PLXNA4: variants seen among roughly 807,000 people sequenced by gnomAD.
The protein encoded by PLXNA4 is plexin A4.
Under a neutral mutation model 191.8 loss-of-function variants are expected in PLXNA4, and 44 were observed. The observed-to-expected ratio is 0.23, with a 90% CI of 0.18 to 0.29. The LOEUF is 0.29. Ranked by LOEUF, PLXNA4 falls within the 10% of genes least tolerant of loss-of-function variation. The pLI is 1.00. For missense variants in PLXNA4, 1,800 were observed against 2,488.8 expected (o/e 0.72, Z 5.89); for synonymous variants, 1,082 against 1,009.5 (o/e 1.07, Z -1.36).
chr7:132,455,668 G>A (rs779034842), intron 3 of PLXNA4, among the ~76,000 whole-genome samples: 11 of 152,074 alleles, frequency 7.2e-5, no homozygotes, highest in East Asian at 1.9e-4. Context: ...TCTGGGCTTC[G>A]AAATTGTGCA....
In PLXNA4 at chr7:132,502,707, T is replaced by C. The variant is rs992663278; in HGVS notation, c.1188+4799A>G. Reference sequence around the variant, plus strand: ...CCTTCAGTTTACTAATTACATGACCTTGAGTGAAACACTTGAGTTTTGTGT... The same window carrying C: ...CCTTCAGTTTACTAATTACATGACCCTGAGTGAAACACTTGAGTTTTGTGT... On this transcript the variant is annotated intron_variant, in intron 2 of 31. Coordinates refer to ENST00000321063, the MANE Select transcript of PLXNA4 (RefSeq NM_020911.2). Among the ~76,000 whole-genome samples the C allele has an allele frequency of 3.3e-5, 5 of 152,256 alleles. No individual in the cohort carries two copies. In the South Asian group the frequency reaches 1.0e-3, roughly 32 times the overall value.
chr7:132,408,587 AT>A (rs2117078523), intron 3 of PLXNA4, among the ~76,000 whole-genome samples: 1 of 152,058 alleles, frequency 6.6e-6, no homozygotes, highest in Admixed American at 6.6e-5. Context: ...CCTCAGCCTC[AT>A]GAGTAGCTGG....
chr7:132,233,850 A>G (rs1432923456), intron 5 of PLXNA4, among the ~76,000 whole-genome samples: 1 of 152,216 alleles, frequency 6.6e-6, no homozygotes, highest in Non-Finnish European at 1.5e-5. Flanking sequence ...TGAATGAACA[A>G]TCTATTGAAC....
At chr7:132,422,018 C>G (rs890148003) in intron 3 of PLXNA4, among the ~76,000 whole-genome samples, 1 of 152,200 alleles carries the variant, frequency 6.6e-6, no homozygotes. Flanking sequence ...TCAAAGTGCC[C>G]TGAGCCTTTC....
In PLXNA4 at chr7:132,316,150, C is replaced by T. The variant is rs565715759; in HGVS notation, c.1372-17928G>A. ...ACTGTCATTCCTTTAACAAAGTGAACGCCCACTTATTGCCTCAAATGACTA... is the reference window on the plus strand; with the variant it reads ...ACTGTCATTCCTTTAACAAAGTGAATGCCCACTTATTGCCTCAAATGACTA... On this transcript the variant is annotated intron_variant, in intron 3 of 31. Transcript: ENST00000321063. 3.1e-4 allele frequency among the ~76,000 whole-genome samples: 47 copies of T among 152,292 alleles called. 1 individual carries two copies. Among genetic ancestry groups the T allele is most frequent in the African/African-American group, 1.1e-3 (44 of 41,574 alleles).
At chr7:132,572,891 T>C (rs1203399975) in intron 1 of PLXNA4, among the ~76,000 whole-genome samples, 2 of 152,198 alleles carry the variant, frequency 1.3e-5, no homozygotes, top group Non-Finnish European at 2.9e-5. Flanking sequence ...ACCCTAATCA[T>C]GTGCATCTCC....
At chr7:132,378,782 C>G in intron 3 of PLXNA4, among the ~76,000 whole-genome samples, 1 of 151,606 alleles carries the variant, frequency 6.6e-6, no homozygotes, top group East Asian at 1.9e-4. Context: ...GGAGGTTCTG[C>G]TAGTTGAGAT....
rs1803469220 is a variant in PLXNA4, at chr7:132,630,290, G to A, written c.-87+15638C>T. On this transcript the variant is annotated intron_variant, in intron 2 of 4. Coordinates refer to the PLXNA4 transcript ENST00000378539. ...TATTGGGCTTCAACATATGAGTTTG[G>A]GGAAAACACAATTCAATTTCCATAG... Among the ~76,000 whole-genome samples, 3 of 152,088 alleles carry A rather than the reference G, an allele frequency of 2.0e-5. No homozygotes were observed. In the South Asian group the frequency reaches 6.2e-4, roughly 31 times the overall value.
chr7:132,428,705 C>A (rs376642333), intron 3 of PLXNA4, among the ~76,000 whole-genome samples: 1 of 152,222 alleles, frequency 6.6e-6, no homozygotes, highest in South Asian at 2.1e-4. Context: ...CTCCATCAGA[C>A]GGCCAAGCTC....
At chr7:132,302,426 G>A (rs922122785) in intron 3 of PLXNA4, among the ~76,000 whole-genome samples, 3 of 152,060 alleles carry the variant, frequency 2.0e-5, no homozygotes, top group African/African-American at 7.2e-5. Context: ...CATGGTTGGT[G>A]CTTAGTAAGT....
intron 3 of PLXNA4, among the ~76,000 whole-genome samples, chr7:132,325,680 G>T (rs1802329922): frequency 6.6e-6 from 1 of 152,178 alleles, no homozygotes; most frequent in Non-Finnish European, 1.5e-5. Flanking sequence ...AGAGCCTCAA[G>T]GAGTGTGGCC....
upstream of PLXNA4, among the ~76,000 whole-genome samples, chr7:132,581,673 T>C (rs1325404001): frequency 1.3e-5 from 2 of 152,148 alleles, no homozygotes; most frequent in Non-Finnish European, 2.9e-5. Context: ...GTGCCATGGC[T>C]TTCCAAGCCA....
intron 3 of PLXNA4, among the ~76,000 whole-genome samples, chr7:132,433,362 C>A (rs1014399826): frequency 1.3e-5 from 2 of 152,170 alleles, no homozygotes; most frequent in African/African-American, 2.4e-5. Context: ...CCCTACATAC[C>A]CAGCAAAGGC....
rs117305374 is a variant in PLXNA4 at position 132,491,507 on chromosome 7, G to A, written c.1189-2033C>T. On this transcript the variant is annotated intron_variant, in intron 2 of 31. Transcript: ENST00000321063. ...CAGTCAGAGCGAAAACGGGGAGAGCGTGGGCAAGCCTGAGCAGGCCACGTG... is the reference window on the plus strand; with the variant it reads ...CAGTCAGAGCGAAAACGGGGAGAGCATGGGCAAGCCTGAGCAGGCCACGTG... Among the ~76,000 whole-genome samples, 145 of 152,302 alleles carry A rather than the reference G, an allele frequency of 9.5e-4. No homozygotes were observed. In the East Asian group the frequency reaches 0.022, roughly 24 times the overall value.
At chr7:132,464,849 T>C (rs1796640690) in intron 3 of PLXNA4, among the ~76,000 whole-genome samples, 1 of 152,188 alleles carries the variant, frequency 6.6e-6, no homozygotes, top group Admixed American at 6.5e-5. Flanking sequence ...ACAAAAAGAT[T>C]CCTCAGATGG....
Position 132,123,431 on chromosome 7 carries a change from C to T in PLXNA4, c.*7048G>A, listed in dbSNP as rs1036440808. The stretch of plus-strand genomic sequence containing the variant: ...GCAAAATAGGAATGCCTTATATTTA[C>T]ATACACAGGTATACAATTAATTATA... On this transcript the variant is annotated 3_prime_UTR_variant, in exon 32 of 32. Coordinates refer to ENST00000321063, the MANE Select transcript of PLXNA4 (RefSeq NM_020911.2). 1.3e-5 allele frequency: 2 copies of T among 152,144 alleles called. No individual in the cohort carries two copies. The highest frequency in any genetic ancestry group is 1.9e-4 in the East Asian group (1 of 5,200). 9.4% of individuals were successfully genotyped at this position (152,144 alleles called of 1,614,324 possible). A position where few individuals can be genotyped will look rare whatever the true frequency, so the allele number is the denominator to read the frequency against.
At chr7:132,359,399 T>C (rs1330597198) in intron 3 of PLXNA4, among the ~76,000 whole-genome samples, 1 of 151,892 alleles carries the variant, frequency 6.6e-6, no homozygotes, top group African/African-American at 2.4e-5. Context: ...GTATTTTTAG[T>C]AGAGACGGAG....
chr7:132,152,932 T>C lies in PLXNA4; in HGVS notation c.4661-4286A>G, dbSNP rs573857213. On this transcript the variant is annotated intron_variant, in intron 25 of 31. Coordinates refer to ENST00000321063, the MANE Select transcript of PLXNA4 (RefSeq NM_020911.2). ...TCCAGGAGGTGTTGCAGCTCCACGCTCACTCATTCATCAAAGAACACTTGC... is the reference window on the plus strand; with the variant it reads ...TCCAGGAGGTGTTGCAGCTCCACGCCCACTCATTCATCAAAGAACACTTGC... Among the ~76,000 whole-genome samples, 21 of 152,340 alleles carry C rather than the reference T, an allele frequency of 1.4e-4. No homozygotes were observed. The South Asian group carries it at 2.3e-3, about 17-fold the overall frequency.
At chr7:132,340,751 C>T (rs145195601) in intron 3 of PLXNA4, among the ~76,000 whole-genome samples, 4 of 152,340 alleles carry the variant, frequency 2.6e-5, no homozygotes, top group African/African-American at 9.6e-5. Context: ...GATCTCAGCT[C>T]ACTGCAACCT....
Sources: gnomAD v4.1 joint callset for allele counts (sites outside exome capture counted in the v4.1 genomes callset) on GRCh38, gnomAD v4.1.1 for gene constraint, MANE v1.5 for transcripts, NCBI Gene and HGNC (gene_info 2026-07-23, HGNC 2026-07-21) for gene names.